Variants in CAPZB observed in about 807,000 individuals in gnomAD.
CAPZB encodes the protein F-actin-capping protein subunit beta.
In CAPZB, 2 loss-of-function variants were observed where a neutral mutation model predicts 38.1. The ratio of observed to expected loss-of-function variants is 0.05; its 90% confidence interval spans 0.02 to 0.17. The LOEUF is 0.17. CAPZB is among the 10% of genes least tolerant of loss of function. CAPZB has a pLI of 1.00. For synonymous variants in CAPZB, 107 were observed against 127.4 expected, an observed-to-expected ratio of 0.84 and a Z score of 1.08; for missense variants, 161 against 334.2, an observed-to-expected ratio of 0.48 and a Z score of 4.04.
chr1:19,369,864 C>T (rs1181859284), intron 4 of CAPZB, among the ~76,000 whole-genome samples: 1 of 152,206 alleles, frequency 6.6e-6, no homozygotes, highest in African/African-American at 2.4e-5. Context: ...TCTGAGTCCG[C>T]AGGCCTGGCC....
At chr1:19,379,100 C>CTT (rs371398074) in intron 3 of CAPZB, among the ~76,000 whole-genome samples, 26,422 of 138,148 alleles carry the variant, frequency 0.19, 3,038 homozygotes, top group South Asian at 0.29. Flanking sequence ...TTTTTTCTTT[C>CTT]TTTTTTTTTT....
chr1:19,409,093 T>C (rs1447456751), intron 2 of CAPZB, among the ~76,000 whole-genome samples: 1 of 152,186 alleles, frequency 6.6e-6, no homozygotes, highest in African/African-American at 2.4e-5. Context: ...GAAAACAATG[T>C]TTCCCAAAGC....
At chr1:19,381,108 G>A (rs1469416832) in intron 3 of CAPZB, among the ~76,000 whole-genome samples, 1 of 152,090 alleles carries the variant, frequency 6.6e-6, no homozygotes, top group Admixed American at 6.5e-5. Context: ...GGCGGAGGCT[G>A]CAGTGAGCTG....
chr1:19,350,473 G>A (rs1020458764), intron 6 of CAPZB, among the ~76,000 whole-genome samples: 5 of 152,376 alleles, frequency 3.3e-5, no homozygotes, highest in African/African-American at 1.2e-4. Context: ...GTCAGGACCC[G>A]GCGTGCAGCC....
chr1:19,469,998 T>C (rs996757137), intron 1 of CAPZB, among the ~76,000 whole-genome samples: 6 of 152,292 alleles, frequency 3.9e-5, no homozygotes, highest in African/African-American at 1.2e-4. Context: ...CATTCCATTG[T>C]GGCTTGAGCA....
chr1:19,431,319 A>T (rs1369462642), intron 1 of CAPZB, among the ~76,000 whole-genome samples: 3 of 152,222 alleles, frequency 2.0e-5, no homozygotes, highest in Non-Finnish European at 4.4e-5. Flanking sequence ...AAAGAATCCA[A>T]AGAAGTCTCA....
intron 2 of CAPZB, among the ~76,000 whole-genome samples, chr1:19,390,097 AT>A (rs2094224887): frequency 6.6e-6 from 1 of 152,184 alleles, no homozygotes. Flanking sequence ...CTGAGGCCAT[AT>A]TACAGAACCA....
intron 1 of CAPZB, among the ~76,000 whole-genome samples, chr1:19,439,425 T>G (rs1403815586): frequency 6.6e-6 from 1 of 152,216 alleles, no homozygotes; most frequent in Non-Finnish European, 1.5e-5. Context: ...GGGATCTCAG[T>G]TTCAGTGGCC....
At chr1:19,412,403 A>G (rs1444738198) in intron 2 of CAPZB, among the ~76,000 whole-genome samples, 2 of 152,192 alleles carry the variant, frequency 1.3e-5, no homozygotes, top group Non-Finnish European at 2.9e-5. Flanking sequence ...TTTTAATGTT[A>G]AAATGTCTTG....
At chr1:19,343,606 C>CCTCCTGACT (rs1558167623) in intron 8 of CAPZB, among the ~76,000 whole-genome samples, 1 of 152,208 alleles carries the variant, frequency 6.6e-6, no homozygotes, top group East Asian at 1.9e-4. Flanking sequence ...GAGATCCCGG[C>CCTCCTGACT]CTCCTGACTC....
chr1:19,381,947 C>G (rs1352290000), intron 3 of CAPZB, among the ~76,000 whole-genome samples: 1 of 152,078 alleles, frequency 6.6e-6, no homozygotes, highest in Non-Finnish European at 1.5e-5. Context: ...TTCTGCTGGC[C>G]GGGGGAGTGG....
chr1:19,448,403 G>A (rs1165898336), intron 1 of CAPZB, among the ~76,000 whole-genome samples: 3 of 152,178 alleles, frequency 2.0e-5, no homozygotes, highest in Admixed American at 2.0e-4. Flanking sequence ...AGTGTTTAGA[G>A]ATGGAAAATA....
intron 1 of CAPZB, among the ~76,000 whole-genome samples, chr1:19,426,945 C>A (rs1206207955): frequency 6.6e-6 from 1 of 152,176 alleles, no homozygotes; most frequent in Non-Finnish European, 1.5e-5. Flanking sequence ...AGCAGAGGAG[C>A]CTCTACAGCA....
chr1:19,445,469 G>A (rs2094492994), intron 1 of CAPZB, among the ~76,000 whole-genome samples: 1 of 151,790 alleles, frequency 6.6e-6, no homozygotes, highest in Non-Finnish European at 1.5e-5. Flanking sequence ...TGGAACATAG[G>A]CTCTCTGTAG....
At chr1:19,347,719 C>T (rs768832743) in intron 6 of CAPZB, among the ~76,000 whole-genome samples, 1 of 152,152 alleles carries the variant, frequency 6.6e-6, no homozygotes, top group Admixed American at 6.5e-5. Flanking sequence ...ATACGGAACC[C>T]GGAAACCTGG....
intron 1 of CAPZB, chr1:19,424,755 G>A (rs2094416068): frequency 6.6e-6 from 1 of 152,244 alleles, no homozygotes; most frequent in Admixed American, 6.5e-5. Flanking sequence ...CTTCTAGATG[G>A]AGTGCCCTCT....
At chr1:19,361,123 T>A (rs10917424) in intron 4 of CAPZB, among the ~76,000 whole-genome samples, 6,730 of 152,272 alleles carry the variant, frequency 0.044, 509 homozygotes, top group African/African-American at 0.15. Context: ...ATCTCCATAA[T>A]CATTTTTAAC....
intron 2 of CAPZB, among the ~76,000 whole-genome samples, chr1:19,401,098 C>T (rs749793976): frequency 3.3e-5 from 5 of 151,994 alleles, no homozygotes; most frequent in African/African-American, 4.8e-5. Context: ...GCTTCCAATG[C>T]CATGGTGAGA....
chr1:19,446,041 G>A (rs531273657), intron 1 of CAPZB, among the ~76,000 whole-genome samples: 8 of 152,308 alleles, frequency 5.3e-5, no homozygotes, highest in Admixed American at 1.3e-4. Context: ...AACAGCCCTC[G>A]GCAGAGAGGC....
Sources: allele counts gnomAD v4.1 joint callset (sites outside exome capture counted in the v4.1 genomes callset), GRCh38; gene constraint gnomAD v4.1.1; transcripts MANE v1.5; gene names NCBI Gene and HGNC (gene_info 2026-07-23, HGNC 2026-07-21).